CSMD1: variants seen among roughly 807,000 people sequenced by gnomAD.
CSMD1 encodes CUB and sushi domain-containing protein 1.
In CSMD1, 213 loss-of-function variants were observed where a neutral mutation model predicts 417.5. The observed-to-expected ratio is 0.51, with a 90% CI of 0.46 to 0.57. The LOEUF is 0.57. Ranked by LOEUF, CSMD1 falls within the 20% of genes least tolerant of loss-of-function variation. The probability of loss-of-function intolerance (pLI) is 0.00; values close to 1 mark genes in which losing one functional copy is unlikely to be tolerated. For missense variants in CSMD1, 6,923 were observed against 4,529.7 expected, an observed-to-expected ratio of 1.53 and a Z score of -15.17; for synonymous variants, 2,862 against 1,736.8, an observed-to-expected ratio of 1.65 and a Z score of -16.11.
At chr8:3,958,080 T>C (rs1182859218) in intron 5 of CSMD1, among the ~76,000 whole-genome samples, 8 of 152,224 alleles carry the variant, frequency 5.3e-5, no homozygotes, top group Admixed American at 5.2e-4. Context: ...ATCTTAACTT[T>C]TATTACTATA....
intron 26 of CSMD1, among the ~76,000 whole-genome samples, chr8:3,275,783 C>G (rs1276752956): frequency 6.6e-6 from 1 of 152,168 alleles, no homozygotes; most frequent in Non-Finnish European, 1.5e-5. Context: ...GCTCCATCAG[C>G]TCCTTTAAGC....
At chr8:4,189,082 T>C (rs1248328410) in intron 3 of CSMD1, among the ~76,000 whole-genome samples, 1 of 152,168 alleles carries the variant, frequency 6.6e-6, no homozygotes, top group Non-Finnish European at 1.5e-5. Flanking sequence ...TATCTAGTAA[T>C]GAAAATACAT....
chr8:3,977,392 T>G (rs2554717), intron 5 of CSMD1, among the ~76,000 whole-genome samples: 37,489 of 152,134 alleles, frequency 0.25, 4,740 homozygotes, highest in Admixed American at 0.34. Context: ...AAAAGAGAAA[T>G]TTCTAAAGGT....
chr8:3,592,338 T>C (rs1480921778), intron 8 of CSMD1, among the ~76,000 whole-genome samples: 1 of 152,130 alleles, frequency 6.6e-6, no homozygotes, highest in African/African-American at 2.4e-5. Context: ...AATATATATA[T>C]ATTATTAGGT....
rs963992254 is a variant in CSMD1, at chr8:3,214,695, T to A, written c.4673-4A>T. On this transcript the variant is annotated splice_polypyrimidine_tract_variant and splice_region_variant and intron_variant, in intron 29 of 69. Transcript: ENST00000635120. ...AAACAAGCTTCCCGTGGTTTCTCTG[T>A]GGAAGAAATGAATGTAAACTGCATG... is the stretch of plus-strand genomic sequence containing the variant. The A allele has an allele frequency of 1.2e-5, 18 of 1,547,844 alleles. No individual in the cohort carries two copies. In the Admixed American group the frequency reaches 3.6e-4, roughly 31 times the overall value.
chr8:3,518,889 C>A (rs1238581391), intron 10 of CSMD1, among the ~76,000 whole-genome samples: 1 of 152,160 alleles, frequency 6.6e-6, no homozygotes, highest in Non-Finnish European at 1.5e-5. Flanking sequence ...TACAGTGAGT[C>A]CGTAAGACAC....
At chr8:4,759,069 T>C (rs968167354) in intron 1 of CSMD1, among the ~76,000 whole-genome samples, 5 of 152,208 alleles carry the variant, frequency 3.3e-5, no homozygotes, top group African/African-American at 4.8e-5. Context: ...TATTAAGATA[T>C]GCTCTGGGAG....
chr8:2,938,728 G>C lies in CSMD1; in HGVS notation c.10552C>G (p.Gln3518Glu). The C allele has an allele frequency of 1.2e-6, 2 of 1,609,350 alleles. No homozygotes were observed. Among genetic ancestry groups the C allele is most frequent in the East Asian group, 2.2e-5 (1 of 44,776 alleles). ...TCATGCCCAGCATAGCCATTGTATT[G>C]AACTTTTGGTCTCGTTCTAAGGAAA... is the stretch of plus-strand genomic sequence containing the variant. ...LYKHRTRPKV[Q>E]YNGYAGHENS... The change falls in exon 70 of 70, where the codon CAA (glutamine) becomes GAA (glutamate). Residue 3518 changes from glutamine to glutamate, a missense_variant. Gln to Glu is a conservative substitution (Grantham distance 29, BLOSUM62 2). Transcript: ENST00000635120.
intron 12 of CSMD1, among the ~76,000 whole-genome samples, chr8:3,455,979 GCTT>G (rs879846634): frequency 8.6e-4 from 131 of 152,316 alleles, no homozygotes; most frequent in Non-Finnish European, 1.6e-3. Context: ...CTTCCGGGCT[GCTT>G]TGTTTACCTA....
intron 3 of CSMD1, among the ~76,000 whole-genome samples, chr8:4,298,827 G>C (rs545114089): frequency 2.0e-5 from 3 of 151,948 alleles, no homozygotes; most frequent in African/African-American, 7.2e-5. Context: ...AGAACTTAAA[G>C]TATAATAAAA....
intron 8 of CSMD1, among the ~76,000 whole-genome samples, chr8:3,588,406 T>C (rs994511129): frequency 6.6e-6 from 1 of 152,080 alleles, no homozygotes; most frequent in African/African-American, 2.4e-5. Context: ...AATTTCAGTG[T>C]GGCCACTTCT....
At chr8:4,234,197 A>T (rs115681019) in intron 3 of CSMD1, among the ~76,000 whole-genome samples, 181 of 152,310 alleles carry the variant, frequency 1.2e-3, no homozygotes, top group African/African-American at 4.1e-3. Flanking sequence ...ACCAAGAAAG[A>T]TGAACAGAAA....
At chr8:4,094,451 T>C (rs1800893007) in intron 3 of CSMD1, among the ~76,000 whole-genome samples, 1 of 151,540 alleles carries the variant, frequency 6.6e-6, no homozygotes, top group Non-Finnish European at 1.5e-5. Flanking sequence ...GGAAGTGAGG[T>C]AGAGGGAGGA....
intron 5 of CSMD1, among the ~76,000 whole-genome samples, chr8:3,858,380 T>G (rs1456543089): frequency 6.6e-6 from 1 of 152,304 alleles, no homozygotes; most frequent in Non-Finnish European, 1.5e-5. Context: ...TTTATAACAA[T>G]GATTTAAAAT....
chr8:4,432,805 A>C (rs1797941251), intron 2 of CSMD1, among the ~76,000 whole-genome samples: 1 of 152,212 alleles, frequency 6.6e-6, no homozygotes, highest in Non-Finnish European at 1.5e-5. Flanking sequence ...TATTGATTAG[A>C]AACCAACCAA....
intron 12 of CSMD1, among the ~76,000 whole-genome samples, chr8:3,442,814 A>C (rs1815074994): frequency 6.6e-6 from 1 of 151,938 alleles, no homozygotes; most frequent in African/African-American, 2.4e-5. Context: ...TATTTATGAG[A>C]GATATTAGTA....
intron 2 of CSMD1, among the ~76,000 whole-genome samples, chr8:4,453,853 A>G (rs1199332520): frequency 2.5e-4 from 27 of 107,108 alleles, no homozygotes; most frequent in Non-Finnish European, 3.8e-4. Flanking sequence ...ACAGAGTCTC[A>G]CTCTGTCACC....
chr8:3,991,573 T>G (rs753526836), intron 5 of CSMD1, among the ~76,000 whole-genome samples: 5 of 152,142 alleles, frequency 3.3e-5, no homozygotes, highest in Admixed American at 6.6e-5. Flanking sequence ...AAGAAACACG[T>G]AAGAGTAGCT....
At chr8:3,778,370 G>C (rs749109153) in intron 5 of CSMD1, among the ~76,000 whole-genome samples, 3 of 152,198 alleles carry the variant, frequency 2.0e-5, no homozygotes, top group Non-Finnish European at 4.4e-5. Flanking sequence ...GAATCATTTC[G>C]GTAAGAAGAC....
Sources: allele counts gnomAD v4.1 joint callset (sites outside exome capture counted in the v4.1 genomes callset), GRCh38; gene constraint gnomAD v4.1.1; transcripts MANE v1.5; gene names NCBI Gene and HGNC (gene_info 2026-07-23, HGNC 2026-07-21).